AHNAK: variants seen among roughly 807,000 people sequenced by gnomAD.
The protein encoded by AHNAK is neuroblast differentiation-associated protein AHNAK.
AHNAK carries 23 observed loss-of-function variants against 37.8 expected under a neutral mutation model. That is an observed-to-expected ratio of 0.61 (90% CI 0.44 to 0.86). AHNAK has a LOEUF of 0.86. Ranked by LOEUF, AHNAK falls within the 40% of genes least tolerant of loss-of-function variation. The pLI, the probability that AHNAK is intolerant of heterozygous loss-of-function variation, is 0.00. For synonymous variants in AHNAK, 2,481 were observed against 2,636.3 expected (o/e 0.94, Z 1.80); for missense variants, 7,411 against 7,319.4 (o/e 1.01, Z -0.46).
chr11:62,464,543 C>T (rs1032610446), intron 5 of AHNAK, among the ~76,000 whole-genome samples: 4 of 152,056 alleles, frequency 2.6e-5, no homozygotes, highest in Admixed American at 6.6e-5. Flanking sequence ...TGCCACGCAC[C>T]TGTAGTCCCA....
intron 5 of AHNAK, among the ~76,000 whole-genome samples, chr11:62,482,352 T>C (rs1014685029): frequency 8.5e-5 from 13 of 152,128 alleles, no homozygotes; most frequent in African/African-American, 3.1e-4. Flanking sequence ...GAGGCAAAGG[T>C]TGCAGTGAGC....
intron 1 of AHNAK, among the ~76,000 whole-genome samples, chr11:62,543,092 C>A (rs895132278): frequency 5.9e-5 from 9 of 152,148 alleles, no homozygotes; most frequent in Non-Finnish European, 2.9e-5. Flanking sequence ...CTCCAGCCCC[C>A]GGGGGACCGG....
Position 62,522,553 on chromosome 11 carries a change from T to C in AHNAK, c.11864A>G (p.Asn3955Ser). 3 of 1,613,232 alleles carry C rather than the reference T, an allele frequency of 1.9e-6. No homozygotes were observed. The South Asian group carries it at 3.3e-5, about 18-fold the overall frequency. The change falls in exon 5 of 5, where the codon AAC becomes AGC. Residue 3955 changes from asparagine (N) to serine (S), a missense_variant. By Grantham distance (46) the Asn-to-Ser change is conservative. Coordinates refer to ENST00000378024, the MANE Select transcript of AHNAK (RefSeq NM_001620.3). Reference sequence around the variant, plus strand: ...GACGTCAAGGTCAGCCTTGGGCAGGTTCACATCCACTTCTGGACCTTCTCC... The same window carrying C: ...GACGTCAAGGTCAGCCTTGGGCAGGCTCACATCCACTTCTGGACCTTCTCC... Reference protein sequence around the residue: ...FKGEGPEVDVNLPKADLDVSG... With the variant: ...FKGEGPEVDVSLPKADLDVSG...
intron 5 of AHNAK, among the ~76,000 whole-genome samples, chr11:62,454,106 CAAA>C (rs71458414): frequency 4.6e-5 from 6 of 130,678 alleles, no homozygotes; most frequent in East Asian, 4.6e-4. Context: ...ATCTCTGTCT[CAAA>C]AAAAAAAAAA....
At chr11:62,450,273 T>C (rs1938508319) in intron 5 of AHNAK, among the ~76,000 whole-genome samples, 1 of 152,012 alleles carries the variant, frequency 6.6e-6, no homozygotes, top group Non-Finnish European at 1.5e-5. Context: ...TTCTCCTGCC[T>C]CAGCCTCCCA....
At position 62,528,678 on chromosome 11, in the gene AHNAK, T is replaced by C; in HGVS notation, c.5739A>G (p.Pro1913=). ...TCTTGGGGGCCTTGAAGTGCATGTC[T>C]GGCATCTTAAATTTAGGGCCTTTCA... ...AKLKGPKFKM[P]DMHFKAPKIS... The change falls in exon 5 of 5, where the codon CCA becomes CCG. Residue 1913 remains proline (P), a synonymous_variant. Transcript: ENST00000378024. 2 of 1,592,898 alleles carry C rather than the reference T, an allele frequency of 1.3e-6. No individual in the cohort carries two copies. Among genetic ancestry groups the C allele is most frequent in the Non-Finnish European group, 1.7e-6 (2 of 1,173,050 alleles).
In AHNAK at chr11:62,518,076, A is replaced by G. The variant is rs766882657; in HGVS notation, c.16341T>C (p.Ile5447=). 1 of 1,614,166 alleles carries G rather than the reference A, an allele frequency of 6.2e-7. No individual in the cohort carries two copies. Among genetic ancestry groups the G allele is most frequent in the Non-Finnish European group, 8.5e-7 (1 of 1,180,018 alleles). The part of the protein sequence containing the change: ...GVDVNLKGPR[I]SAPNVDFNLE... Reference sequence around the variant, plus strand: ...AGTTAAAGTCCACATTCGGTGCTGAAATCCGAGGCCCTTTCAGGTTCACAT... The same window carrying G: ...AGTTAAAGTCCACATTCGGTGCTGAGATCCGAGGCCCTTTCAGGTTCACAT... Residue 5447 remains isoleucine (I), a synonymous_variant, in exon 5 of 5, where the codon ATT becomes ATC. Coordinates refer to ENST00000378024, the MANE Select transcript of AHNAK (RefSeq NM_001620.3).
Position 62,526,737 on chromosome 11 carries a change from T to G in AHNAK, c.7680A>C (p.Gly2560=). The change falls in exon 5 of 5, where the codon GGA becomes GGC. Residue 2560 remains glycine, a synonymous_variant. Transcript: ENST00000378024. ...GPDVNIEGPE[G]KLKGPKLKMP... ...TCTTTAACTTAGGCCCTTTCAACTT[T>G]CCCTCTGGTCCTTCAATATTAACAT... 1 of 1,613,620 alleles carries G rather than the reference T, an allele frequency of 6.2e-7. No individual in the cohort carries two copies. The highest frequency in any genetic ancestry group is 1.1e-5 in the South Asian group (1 of 91,060).
chr11:62,529,227 A>T lies in AHNAK; in HGVS notation c.5190T>A (p.Pro1730=). 1 of 1,614,060 alleles carries T rather than the reference A, an allele frequency of 6.2e-7. No individual in the cohort carries two copies. The highest frequency in any genetic ancestry group is 8.5e-7 in the Non-Finnish European group (1 of 1,180,018). Residue 1730 remains proline, a synonymous_variant, in exon 5 of 5, where the codon CCT becomes CCA. Coordinates refer to ENST00000378024, the MANE Select transcript of AHNAK (RefSeq NM_001620.3). ...FSMPGFKAEG[P]EVDVNLPKAD... Reference sequence around the variant, plus strand: ...CCTTTGGCAGATTCACATCCACTTCAGGGCCCTCTGCTTTGAAGCCAGGCA... The same window carrying T: ...CCTTTGGCAGATTCACATCCACTTCTGGGCCCTCTGCTTTGAAGCCAGGCA...
At chr11:62,514,945 T>A (rs1358973867), downstream of AHNAK, among the ~76,000 whole-genome samples, 3 of 152,158 alleles carry the variant, frequency 2.0e-5, no homozygotes, top group African/African-American at 7.2e-5. Context: ...TTTATCTCTG[T>A]TCTGGGGGGA....
Position 62,517,845 on chromosome 11 carries a change from T to C in AHNAK, c.16572A>G (p.Lys5524=). The C allele has an allele frequency of 1.2e-6, 2 of 1,614,156 alleles. No homozygotes were observed. The highest frequency in any genetic ancestry group is 1.3e-5 in the African/African-American group (1 of 75,032). The change falls in exon 5 of 5, where the codon AAA becomes AAG. Residue 5524 remains lysine, a synonymous_variant. Coordinates refer to ENST00000378024, the MANE Select transcript of AHNAK (RefSeq NM_001620.3). ...PTGQISGPEI[K]GGLKGSEVGF... is the part of the protein sequence containing the mutation. ...CTACTTCTGAACCTTTCAGACCACCTTTGATTTCAGGCCCAGAAATCTGCC... is the reference window on the plus strand; with the variant it reads ...CTACTTCTGAACCTTTCAGACCACCCTTGATTTCAGGCCCAGAAATCTGCC...
chr11:62,489,565 A>G (rs866944273), intron 5 of AHNAK, among the ~76,000 whole-genome samples: 3 of 152,316 alleles, frequency 2.0e-5, no homozygotes, highest in Middle Eastern at 6.8e-3. Context: ...AATAATACAA[A>G]CCAAAAACAT....
rs528811134 is a variant in AHNAK at position 62,469,759 on chromosome 11, C to T, written c.442+21973G>A. Among the ~76,000 whole-genome samples the T allele has an allele frequency of 1.3e-4, 20 of 152,234 alleles. No homozygotes were observed. In the South Asian group the frequency reaches 2.7e-3, roughly 20 times the overall value. On this transcript the variant is annotated intron_variant, in intron 5 of 5. Transcript: ENST00000257247. ...CTGGGATTATAGGTGTGAGCCACTACGTGGGGCCTACGTGTAATTTTTGTC... is the reference window on the plus strand; with the variant it reads ...CTGGGATTATAGGTGTGAGCCACTATGTGGGGCCTACGTGTAATTTTTGTC...
In AHNAK at chr11:62,528,308, C is replaced by T. The variant is rs767441481; in HGVS notation, c.6109G>A (p.Val2037Met). 9 of 1,614,076 alleles carry T rather than the reference C, an allele frequency of 5.6e-6. No homozygotes were observed. The African/African-American group carries it at 8.0e-5, about 14-fold the overall frequency. Residue 2037 changes from valine (V) to methionine (M), a missense_variant, in exon 5 of 5, where the codon GTG becomes ATG. Coordinates refer to ENST00000378024, the MANE Select transcript of AHNAK (RefSeq NM_001620.3). Reference sequence around the variant, plus strand: ...TGCCAGTCTGGGCCATGAACATCCACATCTGGGGCATCAATGTCCATTTTG... The same window carrying T: ...TGCCAGTCTGGGCCATGAACATCCATATCTGGGGCATCAATGTCCATTTTG... The part of the protein sequence containing the change: ...GPKMDIDAPD[V>M]DVHGPDWHLK...
In AHNAK at chr11:62,526,464, G is replaced by A; in HGVS notation, c.7953C>T (p.Phe2651=). The A allele has an allele frequency of 1.2e-6, 2 of 1,612,290 alleles. No homozygotes were observed. The highest frequency in any genetic ancestry group is 1.7e-6 in the Non-Finnish European group (2 of 1,179,470). The part of the protein sequence containing the change: ...VKMPKFSMPG[F]KGEGPDGDVK... ...CATCCCCATCTGGGCCCTCTCCTTT[G>A]AAGCCAGGCATGCTGAACTTTGGCA... Residue 2651 remains phenylalanine (F), a synonymous_variant, in exon 5 of 5, where the codon TTC becomes TTT. Transcript: ENST00000378024.
downstream of AHNAK, among the ~76,000 whole-genome samples, chr11:62,513,428 A>G (rs907313807): frequency 3.3e-5 from 5 of 152,152 alleles, no homozygotes; most frequent in African/African-American, 1.2e-4. Context: ...CCAGCTACTC[A>G]GGAGGCTGAG....
At position 62,526,958 on chromosome 11, in the gene AHNAK, T is replaced by C. The variant is rs182203108; in HGVS notation, c.7459A>G (p.Met2487Val). The C allele has an allele frequency of 1.2e-6, 2 of 1,614,120 alleles. No individual in the cohort carries two copies. The highest frequency in any genetic ancestry group is 1.7e-5 in the Admixed American group (1 of 60,010). The change falls in exon 5 of 5, where the codon ATG becomes GTG. Residue 2487 changes from methionine to valine, a missense_variant. By Grantham distance (21) the Met-to-Val change is conservative. Transcript: ENST00000378024. Reference sequence around the variant, plus strand: ...TCAACTTTGGGGCCCCTGATGTTCATATCTGGTACTTCAAGTTTACCTTCT... The same window carrying C: ...TCAACTTTGGGGCCCCTGATGTTCACATCTGGTACTTCAAGTTTACCTTCT... ...EVEGKLEVPD[M>V]NIRGPKVDVN...
Position 62,533,280 on chromosome 11 carries a change from T to A in AHNAK, c.1137A>T (p.Ser379=). The A allele has an allele frequency of 6.5e-7, 1 of 1,528,862 alleles. No homozygotes were observed. The highest frequency in any genetic ancestry group is 8.8e-7 in the Non-Finnish European group (1 of 1,142,608). The allele number at this position is 1,528,862 out of a possible 1,614,324, so 94.7% of individuals were successfully genotyped here. The stretch of plus-strand genomic sequence containing the variant: ...CTTTCAGGCCTAGGTCACCCTCAAG[T>A]GATGGCCCAGTGATTTGGGGGCCCT... ...KLKGPQITGP[S]LEGDLGLKGA... is the part of the protein sequence containing the mutation. The change falls in exon 5 of 5, where the codon TCA becomes TCT. Residue 379 remains serine, a synonymous_variant. Coordinates refer to ENST00000378024, the MANE Select transcript of AHNAK (RefSeq NM_001620.3).
intron 1 of AHNAK, among the ~76,000 whole-genome samples, chr11:62,544,013 G>A (rs1941220224): frequency 6.6e-6 from 1 of 152,128 alleles, no homozygotes; most frequent in Admixed American, 6.5e-5. Context: ...TAAAGAAGGT[G>A]GTGACCACAC....
Sources: allele counts gnomAD v4.1 joint callset (sites outside exome capture counted in the v4.1 genomes callset), GRCh38; gene constraint gnomAD v4.1.1; transcripts MANE v1.5; gene names NCBI Gene and HGNC (gene_info 2026-07-23, HGNC 2026-07-21).